GNAI2: variants seen among roughly 807,000 people sequenced by gnomAD.
GNAI2 encodes the protein guanine nucleotide-binding protein G(i) subunit alpha-2.
A neutral mutation model predicts 36.8 loss-of-function variants in GNAI2; 4 were observed. That is an observed-to-expected ratio of 0.11 (90% CI 0.05 to 0.25). GNAI2 has a LOEUF of 0.25. Among genes scored for constraint, GNAI2 ranks in the 10% least tolerant of loss-of-function variants. GNAI2 has a pLI of 1.00. For synonymous variants in GNAI2, 194 were observed against 194.1 expected (o/e 1.00, Z 0.01); for missense variants, 230 against 481.3 (o/e 0.48, Z 4.89).
At position 50,253,293 on chromosome 3, in the gene GNAI2, T is replaced by C; in HGVS notation, c.464+109T>C. On this transcript the variant is annotated intron_variant, in intron 4 of 8. Transcript: ENST00000313601. This position sits in a 1 kb window ranked among gnomAD's most constrained non-coding sequence, Gnocchi z 4.2. Reference sequence around the variant, plus strand: ...GAAGGACACTGCTGGTCTTTGCTTATGAAACCGATGACTGTTAACCAAGGC... The same window carrying C: ...GAAGGACACTGCTGGTCTTTGCTTACGAAACCGATGACTGTTAACCAAGGC... The C allele has an allele frequency of 1.1e-6, 1 of 872,354 alleles. No individual in the cohort carries two copies. The allele number at this position is 872,354 out of a possible 1,614,324, so 54.0% of individuals were successfully genotyped here.
upstream of GNAI2, among the ~76,000 whole-genome samples, chr3:50,234,041 A>T (rs1009115651): frequency 5.4e-5 from 8 of 148,172 alleles, no homozygotes; most frequent in African/African-American, 2.0e-4. Context: ...GATTACAGGC[A>T]CGTGCCACCA....
At chr3:50,231,565 G>A (rs1408183952), upstream of GNAI2, among the ~76,000 whole-genome samples, 29 of 152,182 alleles carry the variant, frequency 1.9e-4, no homozygotes, top group Admixed American at 2.0e-4. Context: ...TCGAGCCACC[G>A]CACCCGGCCT....
At position 50,252,298 on chromosome 3, in the gene GNAI2, C is replaced by T. The variant is rs1457089660; in HGVS notation, c.162-99C>T. On this transcript the variant is annotated intron_variant, in intron 2 of 8. Transcript: ENST00000313601. The surrounding 1 kb of genome is among the most constrained non-coding windows in gnomAD (Gnocchi z 4.1). ...CCCTCAGGTCCCAGTGGGTCAGGGG[C>T]AGTTTTCCCTTCTCTGAAGCAGGTC... 1.2e-5 allele frequency: 17 copies of T among 1,435,928 alleles called. No individual in the cohort carries two copies. Among genetic ancestry groups the T allele is most frequent in the Non-Finnish European group, 1.6e-5 (16 of 1,025,558 alleles). 88.9% of individuals were successfully genotyped at this position (1,435,928 alleles called of 1,614,324 possible). A position where few individuals can be genotyped will look rare whatever the true frequency, so the allele number is the denominator to read the frequency against.
In GNAI2 at chr3:50,257,666, C is replaced by T. The variant is rs1224613102; in HGVS notation, c.1044C>T (p.Asn348=). The change falls in exon 8 of 9, where the codon AAC becomes AAT. Residue 348 remains asparagine, a synonymous_variant. Coordinates refer to ENST00000313601, the MANE Select transcript of GNAI2 (RefSeq NM_002070.4). The part of the protein sequence containing the change: ...DAVTDVIIKN[N]LKDCGLF ...TCACCGATGTCATCATCAAGAACAA[C>T]CTGAAGGACTGCGGCCTCTTCTGAG... 11 of 1,590,826 alleles carry T rather than the reference C, an allele frequency of 6.9e-6. No homozygotes were observed. Among genetic ancestry groups the T allele is most frequent in the Non-Finnish European group, 9.4e-6 (11 of 1,166,690 alleles).
At chr3:50,231,961 C>T (rs918219953), upstream of GNAI2, among the ~76,000 whole-genome samples, 1 of 151,648 alleles carries the variant, frequency 6.6e-6, no homozygotes, top group Admixed American at 6.6e-5. Flanking sequence ...CTTTGGGAGG[C>T]CAAGACGGGA....
chr3:50,233,117 T>C (rs1700098726), upstream of GNAI2, among the ~76,000 whole-genome samples: 1 of 151,580 alleles, frequency 6.6e-6, no homozygotes, highest in Non-Finnish European at 1.5e-5. Flanking sequence ...GGCCTGGCCA[T>C]AGCCCTGGGG....
At position 50,252,339 on chromosome 3, in the gene GNAI2, A is replaced by G; in HGVS notation, c.162-58A>G. 1 of 1,579,876 alleles carries G rather than the reference A, an allele frequency of 6.3e-7. No individual in the cohort carries two copies. The highest frequency in any genetic ancestry group is 8.7e-7 in the Non-Finnish European group (1 of 1,150,540). On this transcript the variant is annotated intron_variant, in intron 2 of 8. Coordinates refer to ENST00000313601, the MANE Select transcript of GNAI2 (RefSeq NM_002070.4). This position sits in a 1 kb window ranked among gnomAD's most constrained non-coding sequence, Gnocchi z 4.1. ...GAAGCAGGTCCCAGTAGCCCCAGGCAGCCGTGGGAACTCCCAGTGCCCAGG... is the reference window on the plus strand; with the variant it reads ...GAAGCAGGTCCCAGTAGCCCCAGGCGGCCGTGGGAACTCCCAGTGCCCAGG...
chr3:50,251,244 C>T (rs1553702403), intron 1 of GNAI2: 26 of 478,654 alleles, frequency 5.4e-5, no homozygotes, highest in Non-Finnish European at 7.1e-5. Context: ...GCTACATGAT[C>T]TTAGATCAAT....
At chr3:50,228,986 C>T (rs1445660947), upstream of GNAI2, 1 of 152,196 alleles carries the variant, frequency 6.6e-6, no homozygotes, top group Non-Finnish European at 1.5e-5. Flanking sequence ...CAGGAAGCCC[C>T]TGAGCCCAGC....
At position 50,238,210 on chromosome 3, in the gene GNAI2, A is replaced by C. The variant is rs1381449718; in HGVS notation, c.118+1757A>C. The stretch of plus-strand genomic sequence containing the variant: ...CGGGCCTGGGGAGGGCACTTCCGGT[A>C]CCGCTGCCTCCCAGTGCCCAGCCAG... On this transcript the variant is annotated intron_variant, in intron 1 of 8. Transcript: ENST00000313601. The surrounding 1 kb of genome is among the most constrained non-coding windows in gnomAD (Gnocchi z 5.0). 6.6e-6 allele frequency: 1 copy of C among 151,984 alleles called. No homozygotes were observed. Among genetic ancestry groups the C allele is most frequent in the Non-Finnish European group, 1.5e-5 (1 of 67,972 alleles). The allele number at this position is 151,984 out of a possible 1,614,324, so 9.4% of individuals were successfully genotyped here. A position where few individuals can be genotyped will look rare whatever the true frequency, so the allele number is the denominator to read the frequency against.
chr3:50,256,168 G>GGCCC, intron 4 of GNAI2, 24 bp from the exon 5 acceptor site: 1 of 1,267,010 alleles, frequency 7.9e-7, no homozygotes, highest in African/African-American at 1.5e-5. Context: ...GGCCCCCACT[G>GGCCC]ACCCTCCCAC....
intron 1 of GNAI2, among the ~76,000 whole-genome samples, chr3:50,237,066 C>T (rs1700190387): frequency 6.6e-6 from 1 of 152,226 alleles, no homozygotes; most frequent in African/African-American, 2.4e-5. Flanking sequence ...TGCTTCCTGC[C>T]CTCCAGATCC....
intron 1 of GNAI2, among the ~76,000 whole-genome samples, chr3:50,244,784 C>G (rs1390163581): frequency 1.3e-5 from 2 of 152,100 alleles, no homozygotes; most frequent in Non-Finnish European, 1.5e-5. Flanking sequence ...CAGGCCAGGC[C>G]GTAAGGGACT....
intron 1 of GNAI2, among the ~76,000 whole-genome samples, chr3:50,247,686 G>T (rs890445114): frequency 3.9e-5 from 6 of 152,230 alleles, no homozygotes; most frequent in Admixed American, 2.0e-4. Flanking sequence ...CCACCACCCA[G>T]CACATCACTA....
chr3:50,232,187 G>A (rs1236931225), upstream of GNAI2, among the ~76,000 whole-genome samples: 1 of 152,006 alleles, frequency 6.6e-6, no homozygotes, highest in African/African-American at 2.4e-5. Context: ...AAAATTAGCC[G>A]GGTGTGGTGG....
chr3:50,251,378 G>A (rs1485863395), intron 1 of GNAI2: 1 of 1,012,298 alleles, frequency 9.9e-7, no homozygotes, highest in Non-Finnish European at 1.2e-6. Context: ...ATATGGGCCA[G>A]GGCTGTACCA....
At chr3:50,227,177 C>A (rs1440106211), upstream of GNAI2, 1 of 1,447,352 alleles carries the variant, frequency 6.9e-7, no homozygotes, top group Admixed American at 2.5e-5. This position sits in a 1 kb window ranked among gnomAD's most constrained non-coding sequence, Gnocchi z 5.9. Flanking sequence ...GCGGGTGTCA[C>A]TGGGGACGTT....
intron 7 of GNAI2, 34 bp downstream of exon 7, chr3:50,257,124 G>T: frequency 6.3e-7 from 1 of 1,596,980 alleles, no homozygotes; most frequent in East Asian, 2.2e-5. Context: ...CCTCCAGAGG[G>T]TTGCTTCTTG....
chr3:50,254,764 A>C (rs1700647985), intron 4 of GNAI2, among the ~76,000 whole-genome samples: 1 of 152,212 alleles, frequency 6.6e-6, no homozygotes, highest in Non-Finnish European at 1.5e-5. Context: ...TTCTCCAGAC[A>C]TTAGGCACCC....
Sources: gnomAD v4.1 joint callset for allele counts (sites outside exome capture counted in the v4.1 genomes callset) on GRCh38, gnomAD v4.1.1 for gene constraint, Gnocchi (gnomAD v3.1) non-coding constraint, MANE v1.5 for transcripts, NCBI Gene and HGNC (gene_info 2026-07-23, HGNC 2026-07-21) for gene names.